The following HIPK1 variants were observed in gnomAD, a reference collection of about 807,000 sequenced individuals.
The protein encoded by HIPK1 is homeodomain-interacting protein kinase 1.
HIPK1 carries 28 observed loss-of-function variants against 117.1 expected under a neutral mutation model. That is an observed-to-expected ratio of 0.24 (90% confidence interval 0.18 to 0.33). The LOEUF (loss-of-function observed/expected upper bound fraction) is 0.33, where lower values mean the gene tolerates loss of function less well. Among genes scored for constraint, HIPK1 ranks in the 10% least tolerant of loss-of-function variants. The probability of loss-of-function intolerance (pLI) is 1.00; values close to 1 mark genes in which losing one functional copy is unlikely to be tolerated. For missense variants in HIPK1, 1,122 were observed against 1,475.1 expected (o/e 0.76, Z 3.92); for synonymous variants, 605 against 562.5 (o/e 1.08, Z -1.07).
Position 113,956,961 on chromosome 1 carries a change from A to C in HIPK1, c.1592+150A>C. ...TTTCTCATTGAAACATCATAAGATA[A>C]AAATTAGATGTGTATTTTTCTTCCC... is the stretch of plus-strand genomic sequence containing the variant. On this transcript the variant is annotated intron_variant, in intron 6 of 15. Coordinates refer to ENST00000426820, the MANE Select transcript of HIPK1 (RefSeq NM_198268.3). 6 of 902,296 alleles carry C rather than the reference A, an allele frequency of 6.6e-6. No individual in the cohort carries two copies. In the South Asian group the frequency reaches 9.8e-5, roughly 15 times the overall value. 55.9% of individuals were successfully genotyped at this position (902,296 alleles called of 1,614,324 possible). A position where few individuals can be genotyped will look rare whatever the true frequency, so the allele number is the denominator to read the frequency against.
At chr1:113,954,140 T>TGG (rs1223630036) in intron 3 of HIPK1, among the ~76,000 whole-genome samples, 5 of 152,122 alleles carry the variant, frequency 3.3e-5, no homozygotes, top group African/African-American at 1.2e-4. Context: ...CTTTTATTTT[T>TGG]TGTAGAGTCG....
rs1164397352 is a variant in HIPK1, at chr1:113,942,074, T to A, written c.1076+615T>A. ...CCGTGCCCAGCCTATTTATTTATTT[T>A]TTTAAGATGGAGTTTCACTTGCCAC... On this transcript the variant is annotated intron_variant, in intron 2 of 15. Transcript: ENST00000426820. Among the ~76,000 whole-genome samples, 3 of 146,994 alleles carry A rather than the reference T, an allele frequency of 2.0e-5. No individual in the cohort carries two copies. In the East Asian group the frequency reaches 6.1e-4, roughly 30 times the overall value.
chr1:113,958,165 T>A lies in HIPK1; in HGVS notation c.1855T>A (p.Ser619Thr). 6.2e-7 allele frequency: 1 copy of A among 1,614,196 alleles called. No homozygotes were observed. ...LLNYQSALYP[S>T]SAAPVPGVAQ... ...AAACTACCAGTCAGCTTTGTACCCA[T>A]CATCTGCTGCACCAGTTCCTGGAGT... Residue 619 changes from serine (S) to threonine (T), a missense_variant, in exon 8 of 16, where the codon TCA (serine) becomes ACA (threonine). Physicochemically the swap from Ser to Thr is moderately conservative, Grantham distance 58. Transcript: ENST00000426820.
chr1:113,932,295 A>G (rs1490488292), intron 1 of HIPK1: 1 of 152,138 alleles, frequency 6.6e-6, no homozygotes, highest in African/African-American at 2.4e-5. Context: ...TGCTTAAGGA[A>G]AAAGAATGAG....
intron 1 of HIPK1, among the ~76,000 whole-genome samples, chr1:113,934,501 T>C (rs1670122467): frequency 6.6e-6 from 1 of 152,208 alleles, no homozygotes; most frequent in Admixed American, 6.5e-5. Flanking sequence ...GTACCAATGA[T>C]CTTTTGCCCA....
At chr1:113,939,111 G>C (rs1023197392) in intron 1 of HIPK1, among the ~76,000 whole-genome samples, 1 of 151,840 alleles carries the variant, frequency 6.6e-6, no homozygotes, top group Non-Finnish European at 1.5e-5. Flanking sequence ...CATGAGGTAG[G>C]TATTGCTATC....
At chr1:113,970,501 A>G (rs544397731) in intron 14 of HIPK1, among the ~76,000 whole-genome samples, 1 of 152,384 alleles carries the variant, frequency 6.6e-6, no homozygotes, top group South Asian at 2.1e-4. Context: ...GCAGGCAATT[A>G]GGTTTGCCAC....
intron 14 of HIPK1, among the ~76,000 whole-genome samples, chr1:113,971,601 A>G (rs893382333): frequency 6.6e-6 from 1 of 152,158 alleles, no homozygotes; most frequent in African/African-American, 2.4e-5. Context: ...TAGTTAAAAT[A>G]TTTATAATAT....
At position 113,958,127 on chromosome 1, in the gene HIPK1, A is replaced by T; in HGVS notation, c.1817A>T (p.Asp606Val). 2 of 1,614,142 alleles carry T rather than the reference A, an allele frequency of 1.2e-6. No individual in the cohort carries two copies. Among genetic ancestry groups the T allele is most frequent in the Middle Eastern group, 1.6e-4 (1 of 6,062 alleles). Reference protein sequence around the residue: ...AAATLSLANSDVSLLNYQSAL... With the variant: ...AAATLSLANSVVSLLNYQSAL... ...GCTACTCTTTCTCTGGCTAATTCAG[A>T]TGTCTCACTACTAAACTACCAGTCA... Residue 606 changes from aspartate (D) to valine (V), a missense_variant, in exon 8 of 16, where the codon GAT becomes GTT. Around this residue, in one of 6 missense-constraint regions of HIPK1, gnomAD observed 731 missense variants for 860.4 expected, o/e 0.85. Transcript: ENST00000426820.
chr1:113,966,198 T>C lies in HIPK1; in HGVS notation c.2307T>C (p.Ala769=). 1 of 1,614,078 alleles carries C rather than the reference T, an allele frequency of 6.2e-7. No homozygotes were observed. The highest frequency in any genetic ancestry group is 8.5e-7 in the Non-Finnish European group (1 of 1,179,974). ...PSTWQQLPGV[A]LHNSVQPTAM... The stretch of plus-strand genomic sequence containing the variant: ...CTTGGCAACAGTTGCCTGGGGTAGC[T>C]CTACACAACTCTGTCCAGCCCACAG... Residue 769 remains alanine (A), a synonymous_variant, in exon 11 of 16, where the codon GCT becomes GCC. Coordinates refer to ENST00000426820, the MANE Select transcript of HIPK1 (RefSeq NM_198268.3).
intron 1 of HIPK1, 39 bp downstream of exon 1, chr1:113,929,571 G>A (rs1408577726): frequency 7.9e-7 from 1 of 1,266,808 alleles, no homozygotes; most frequent in Non-Finnish European, 1.0e-6. Context: ...TAGTTCCGGC[G>A]AGGCGGGGCC....
At chr1:113,933,443 A>G (rs1670033166) in intron 1 of HIPK1, among the ~76,000 whole-genome samples, 1 of 152,216 alleles carries the variant, frequency 6.6e-6, no homozygotes, top group Non-Finnish European at 1.5e-5. Context: ...AAGGCCTGGT[A>G]ATCCAAATTA....
chr1:113,966,686 C>T (rs1182697037), intron 11 of HIPK1, among the ~76,000 whole-genome samples: 1 of 152,188 alleles, frequency 6.6e-6, no homozygotes, highest in East Asian at 1.9e-4. Flanking sequence ...GAAATAAGCA[C>T]ATCATGGAAA....
chr1:113,953,021 G>A (rs942541459), intron 3 of HIPK1, 132 bp downstream of exon 3: 3 of 786,476 alleles, frequency 3.8e-6, no homozygotes, highest in South Asian at 1.1e-4. Context: ...TGCTACTAAA[G>A]AACTTTTTAA....
At chr1:113,947,401 C>T (rs571166994) in intron 2 of HIPK1, among the ~76,000 whole-genome samples, 2 of 152,282 alleles carry the variant, frequency 1.3e-5, no homozygotes, top group South Asian at 4.1e-4. Context: ...AGAAGGAAAA[C>T]GTATCTTCCA....
chr1:113,945,577 C>G (rs1489330288), intron 2 of HIPK1, among the ~76,000 whole-genome samples: 4 of 152,214 alleles, frequency 2.6e-5, no homozygotes, highest in Non-Finnish European at 5.9e-5. Context: ...ACACCATTTG[C>G]TAAGAAGATT....
In HIPK1 at chr1:113,962,361, A is replaced by G. The variant is rs1672181357; in HGVS notation, c.2026A>G (p.Met676Val). The stretch of plus-strand genomic sequence containing the variant: ...AAAGCATTCTGGATTCCCTGTGAGG[A>G]TGGATAATGCTGTACCGATTGTACC... ...TTKHSGFPVRMDNAVPIVPQA... is the reference protein window; with the variant it reads ...TTKHSGFPVRVDNAVPIVPQA... The change falls in exon 9 of 16, where the codon ATG (methionine) becomes GTG (valine). Residue 676 changes from methionine to valine, a missense_variant. By Grantham distance (21) the Met-to-Val change is conservative (BLOSUM62 1). This residue lies in a region of HIPK1 where 731 missense variants were observed against 860.4 expected (regional missense o/e 0.85). Coordinates refer to ENST00000426820, the MANE Select transcript of HIPK1 (RefSeq NM_198268.3). 1.2e-6 allele frequency: 2 copies of G among 1,613,906 alleles called. No individual in the cohort carries two copies. The highest frequency in any genetic ancestry group is 1.7e-6 in the Non-Finnish European group (2 of 1,179,812).
In HIPK1 at chr1:113,940,493, G is replaced by C. The variant is rs983334903; in HGVS notation, c.110G>C (p.Ser37Thr). Residue 37 changes from serine to threonine, a missense_variant, in exon 2 of 16, where the codon AGT becomes ACT. This residue lies in a region of HIPK1 where 192 missense variants were observed against 234.0 expected (regional missense o/e 0.82). Transcript: ENST00000426820. Reference protein sequence around the residue: ...EPSGWDVSGQSSNDKYYTHSK... With the variant: ...EPSGWDVSGQTSNDKYYTHSK... Reference sequence around the variant, plus strand: ...TCTGGCTGGGATGTTTCAGGACAGAGTAGCAACGACAAATATTATACCCAC... The same window carrying C: ...TCTGGCTGGGATGTTTCAGGACAGACTAGCAACGACAAATATTATACCCAC... The C allele has an allele frequency of 5.6e-6, 9 of 1,614,060 alleles. No individual in the cohort carries two copies. The African/African-American group carries it at 1.1e-4, about 19-fold the overall frequency.
In HIPK1 at chr1:113,973,502, C is replaced by G. The variant is rs1672984063; in HGVS notation, c.3623C>G (p.Ser1208Cys). Residue 1208 changes from serine (S) to cysteine (C), a missense_variant, in exon 16 of 16, where the codon TCC (serine) becomes TGC (cysteine). Coordinates refer to ENST00000426820, the MANE Select transcript of HIPK1 (RefSeq NM_198268.3). The part of the protein sequence containing the change: ...PLSPTKISQY[S>C]YL ...AGTCCTACCAAGATCAGCCAGTATT[C>G]CTACTTATAGTTGGTGAGCATGAGG... 1.3e-6 allele frequency: 2 copies of G among 1,584,586 alleles called. No homozygotes were observed. Among genetic ancestry groups the G allele is most frequent in the African/African-American group, 2.7e-5 (2 of 74,430 alleles).
Sources: gnomAD v4.1 joint callset for allele counts (sites outside exome capture counted in the v4.1 genomes callset) on GRCh38, gnomAD v4.1.1 for gene constraint, gnomAD v4.1.1 regional missense constraint, MANE v1.5 for transcripts, NCBI Gene and HGNC (gene_info 2026-07-23, HGNC 2026-07-21) for gene names.